The following MAN1A2 variants were observed in gnomAD, a reference collection of about 807,000 sequenced individuals.
MAN1A2 encodes mannosyl-oligosaccharide 1,2-alpha-mannosidase IB.
MAN1A2 carries 26 observed loss-of-function variants against 75.7 expected under a neutral mutation model. The ratio of observed to expected loss-of-function variants is 0.34; its 90% CI spans 0.25 to 0.48. The LOEUF (loss-of-function observed/expected upper bound fraction) is 0.48, where lower values mean the gene tolerates loss of function less well. Among genes scored for constraint, MAN1A2 ranks in the 20% least tolerant of loss-of-function variants. The pLI, the probability that MAN1A2 is intolerant of heterozygous loss-of-function variation, is 0.99. For synonymous variants in MAN1A2, 247 were observed against 264.6 expected (o/e 0.93, Z 0.65); for missense variants, 562 against 775.5 (o/e 0.72, Z 3.27).
At chr1:117,501,435 T>C (rs1190551088) in intron 11 of MAN1A2, among the ~76,000 whole-genome samples, 2 of 151,770 alleles carry the variant, frequency 1.3e-5, no homozygotes, top group African/African-American at 4.8e-5. Flanking sequence ...GAAGGCTGGG[T>C]GAGGCAGAAT....
intron 5 of MAN1A2, among the ~76,000 whole-genome samples, chr1:117,430,318 C>T (rs1326783972): frequency 3.8e-5 from 5 of 133,198 alleles, no homozygotes; most frequent in Middle Eastern, 3.8e-3. Flanking sequence ...TGACCCCCCC[C>T]ACCTCCCTCC....
Position 117,496,969 on chromosome 1 carries a change from A to G in MAN1A2, c.1491A>G (p.Ser497=), listed in dbSNP as rs1651052995. 6.2e-7 allele frequency: 1 copy of G among 1,608,640 alleles called. No homozygotes were observed. Among genetic ancestry groups the G allele is most frequent in the East Asian group, 2.2e-5 (1 of 44,652 alleles). ...GAEIARTCHE[S]YDRTALKLGP... The stretch of plus-strand genomic sequence containing the variant: ...AAATTGCACGTACTTGTCATGAGTC[A>G]TATGACAGAACTGGTAAGAATATTA... The change falls in exon 10 of 13, where the codon TCA becomes TCG. Residue 497 remains serine (S), a synonymous_variant. Coordinates refer to ENST00000356554, the MANE Select transcript of MAN1A2 (RefSeq NM_006699.5).
intron 8 of MAN1A2, among the ~76,000 whole-genome samples, chr1:117,468,498 A>G (rs1469129861): frequency 2.0e-5 from 3 of 152,196 alleles, no homozygotes; most frequent in Admixed American, 6.5e-5. Flanking sequence ...TTCTGTAATG[A>G]GGAAAAGATC....
intron 8 of MAN1A2, among the ~76,000 whole-genome samples, chr1:117,467,248 A>G (rs1171137026): frequency 6.6e-6 from 1 of 152,176 alleles, no homozygotes; most frequent in Non-Finnish European, 1.5e-5. Flanking sequence ...GCCGCTAATA[A>G]AACATGATTC....
intron 4 of MAN1A2, among the ~76,000 whole-genome samples, chr1:117,420,047 G>C (rs1229713560): frequency 6.6e-6 from 1 of 151,828 alleles, no homozygotes; most frequent in Admixed American, 6.6e-5. Flanking sequence ...TTCTTACCCA[G>C]GAGGCAATTT....
chr1:117,443,983 G>A (rs1649126449), intron 6 of MAN1A2, among the ~76,000 whole-genome samples: 1 of 151,550 alleles, frequency 6.6e-6, no homozygotes, highest in Non-Finnish European at 1.5e-5. Context: ...TAGTCTTGAT[G>A]ACTGAAAGCC....
chr1:117,455,456 G>C (rs1265409972), intron 6 of MAN1A2, among the ~76,000 whole-genome samples: 2 of 152,062 alleles, frequency 1.3e-5, no homozygotes, highest in Admixed American at 1.3e-4. Flanking sequence ...ATTGAATGGT[G>C]TACCTGAAAG....
At chr1:117,473,859 A>G (rs562183235) in intron 8 of MAN1A2, among the ~76,000 whole-genome samples, 2 of 152,154 alleles carry the variant, frequency 1.3e-5, no homozygotes, top group Non-Finnish European at 2.9e-5. Flanking sequence ...TGTGAATTAG[A>G]AGGCATTTAA....
At chr1:117,409,533 A>G (rs2101764166) in intron 3 of MAN1A2, among the ~76,000 whole-genome samples, 1 of 149,608 alleles carries the variant, frequency 6.7e-6, no homozygotes, top group African/African-American at 2.5e-5. Context: ...TGGTATGTGT[A>G]TATTCTGCTG....
At chr1:117,448,622 C>G (rs1649312579) in intron 6 of MAN1A2, among the ~76,000 whole-genome samples, 1 of 152,112 alleles carries the variant, frequency 6.6e-6, no homozygotes, top group South Asian at 2.1e-4. Context: ...CAGAAAAGAT[C>G]AGTGAGCTTG....
intron 5 of MAN1A2, among the ~76,000 whole-genome samples, chr1:117,420,941 A>C (rs1648166338): frequency 6.6e-6 from 1 of 152,080 alleles, no homozygotes; most frequent in Non-Finnish European, 1.5e-5. Context: ...TGGCCCAAGT[A>C]AAGGGGGAAA....
At chr1:117,410,812 CAACA>C (rs1413692571) in intron 3 of MAN1A2, among the ~76,000 whole-genome samples, 1 of 151,400 alleles carries the variant, frequency 6.6e-6, no homozygotes, top group Non-Finnish European at 1.5e-5. Context: ...GGTATACTTG[CAACA>C]AACAGTTATA....
intron 5 of MAN1A2, among the ~76,000 whole-genome samples, chr1:117,425,728 C>T (rs1371467848): frequency 1.3e-5 from 2 of 152,136 alleles, no homozygotes; most frequent in Non-Finnish European, 2.9e-5. Context: ...TACAAAAAAC[C>T]TATAGCTAAC....
In MAN1A2 at chr1:117,373,331, T is replaced by C. The variant is rs866573156; in HGVS notation, c.302+4846T>C. On this transcript the variant is annotated intron_variant, in intron 1 of 12. Transcript: ENST00000356554. ...GGCGACGTCACATTGTTTTATGCAC[T>C]AATATTAAAGTCTGCTGGATGTTCC... is the stretch of plus-strand genomic sequence containing the variant. Among the ~76,000 whole-genome samples the C allele has an allele frequency of 6.6e-5, 10 of 152,310 alleles. 1 individual carries two copies. The South Asian group carries it at 8.3e-4, about 13-fold the overall frequency.
intron 12 of MAN1A2, among the ~76,000 whole-genome samples, chr1:117,512,442 A>G (rs779162267): frequency 2.0e-5 from 3 of 152,026 alleles, no homozygotes; most frequent in Non-Finnish European, 4.4e-5. Context: ...AGTGGGGCCT[A>G]AGAATTTGCG....
intron 12 of MAN1A2, among the ~76,000 whole-genome samples, chr1:117,505,664 A>T (rs1651336334): frequency 6.6e-6 from 1 of 151,326 alleles, no homozygotes; most frequent in Non-Finnish European, 1.5e-5. Context: ...CAGTACATTC[A>T]GCATTGCACT....
intron 6 of MAN1A2, among the ~76,000 whole-genome samples, chr1:117,443,617 A>C (rs1322935478): frequency 6.6e-6 from 1 of 152,152 alleles, no homozygotes; most frequent in Non-Finnish European, 1.5e-5. Flanking sequence ...CAGAACTTCT[A>C]ATTTAAGATT....
In MAN1A2 at chr1:117,385,736, A is replaced by G. The variant is rs1653501524; in HGVS notation, c.303-16450A>G. Among the ~76,000 whole-genome samples the G allele has an allele frequency of 2.0e-5, 3 of 152,190 alleles. No individual in the cohort carries two copies. The South Asian group carries it at 6.2e-4, about 31-fold the overall frequency. ...CAACTGTAACACATGCAGAAAAGGT[A>G]TTTATTGGAAGGATGTTAGACTGTA... On this transcript the variant is annotated intron_variant, in intron 1 of 12. Coordinates refer to ENST00000356554, the MANE Select transcript of MAN1A2 (RefSeq NM_006699.5).
intron 1 of MAN1A2, among the ~76,000 whole-genome samples, chr1:117,391,757 T>A (rs542052108): frequency 6.6e-6 from 1 of 152,310 alleles, no homozygotes; most frequent in East Asian, 1.9e-4. Flanking sequence ...TTAACAGGTC[T>A]AAAATCATAC....
Sources: allele counts gnomAD v4.1 joint callset (sites outside exome capture counted in the v4.1 genomes callset), GRCh38; gene constraint gnomAD v4.1.1; transcripts MANE v1.5; gene names NCBI Gene and HGNC (gene_info 2026-07-23, HGNC 2026-07-21).